Variants in PIK3AP1 observed in about 807,000 individuals in gnomAD.
The protein encoded by PIK3AP1 is phosphoinositide-3-kinase adaptor protein 1.
PIK3AP1 carries 21 observed loss-of-function variants against 88.1 expected under a neutral mutation model. The ratio of observed to expected loss-of-function variants is 0.24; its 90% confidence interval spans 0.17 to 0.34. The LOEUF (loss-of-function observed/expected upper bound fraction) is 0.34. PIK3AP1 is among the 10% of genes least tolerant of loss of function. The pLI is 1.00. For synonymous variants in PIK3AP1, 398 were observed against 400.0 expected (o/e 1.00, Z 0.06); for missense variants, 828 against 1,035.7 (o/e 0.80, Z 2.75).
chr10:96,641,088 T>C (rs1412021404), intron 8 of PIK3AP1, among the ~76,000 whole-genome samples: 2 of 26,094 alleles, frequency 7.7e-5, no homozygotes, highest in East Asian at 1.5e-3. Flanking sequence ...GAGTGTGCCG[T>C]GTGTGTGTGT....
At chr10:96,632,407 ATTTT>A (rs35406169) in intron 8 of PIK3AP1, among the ~76,000 whole-genome samples, 17 of 146,246 alleles carry the variant, frequency 1.2e-4, no homozygotes, top group African/African-American at 2.7e-4. Context: ...TTTCAAAATA[ATTTT>A]TTTTTTTTTT....
At chr10:96,677,056 T>C (rs1172539919) in intron 2 of PIK3AP1, among the ~76,000 whole-genome samples, 3 of 152,100 alleles carry the variant, frequency 2.0e-5, no homozygotes, top group African/African-American at 4.8e-5. Context: ...ACCGAGCCCA[T>C]CTCTGAACAC....
Position 96,596,571 on chromosome 10 carries a change from A to T in PIK3AP1, c.2361-937T>A, listed in dbSNP as rs141409333. Among the ~76,000 whole-genome samples, 1,434 of 152,316 alleles carry T rather than the reference A, an allele frequency of 9.4e-3. 6 individuals are homozygous for T. The highest frequency in any genetic ancestry group is 0.031 in the Middle Eastern group (9 of 294). On this transcript the variant is annotated intron_variant, in intron 16 of 16. Coordinates refer to ENST00000339364, the MANE Select transcript of PIK3AP1 (RefSeq NM_152309.3). ...AGTAGGGAGATTTGTTGAGAGAGGA[A>T]TTGGAATTTCCAAAGCCTGCTTCTC...
At chr10:96,689,252 T>C (rs558512338) in intron 2 of PIK3AP1, among the ~76,000 whole-genome samples, 2 of 152,138 alleles carry the variant, frequency 1.3e-5, no homozygotes, top group Middle Eastern at 3.4e-3. Context: ...CCTTTAATCC[T>C]TACCGATGCC....
chr10:96,623,785 G>A (rs887998234), intron 10 of PIK3AP1, among the ~76,000 whole-genome samples: 8 of 152,116 alleles, frequency 5.3e-5, no homozygotes, highest in African/African-American at 1.9e-4. Flanking sequence ...TGAAGAAAAC[G>A]GTAATGGGAA....
At chr10:96,671,158 A>C (rs1843840847) in intron 2 of PIK3AP1, among the ~76,000 whole-genome samples, 1 of 152,224 alleles carries the variant, frequency 6.6e-6, no homozygotes, top group South Asian at 2.1e-4. Context: ...GCACAAAAGG[A>C]AACCTCAGAC....
intron 2 of PIK3AP1, among the ~76,000 whole-genome samples, chr10:96,685,170 T>G (rs1844052204): frequency 6.6e-6 from 1 of 152,384 alleles, no homozygotes; most frequent in South Asian, 2.1e-4. Context: ...ATTTATGCTG[T>G]GATTTTCTTT....
At chr10:96,643,841 G>C (rs984110142) in intron 8 of PIK3AP1, among the ~76,000 whole-genome samples, 1 of 152,160 alleles carries the variant, frequency 6.6e-6, no homozygotes, top group Non-Finnish European at 1.5e-5. Flanking sequence ...CTGAAGGCTT[G>C]TAACACTCAA....
At chr10:96,621,222 CT>C (rs1843075663) in intron 11 of PIK3AP1, 1 of 156,072 alleles carries the variant, frequency 6.4e-6, no homozygotes, top group East Asian at 1.9e-4. Flanking sequence ...CTTGTTCCCC[CT>C]GTAGCCTCTC....
chr10:96,695,116 C>T (rs1844203531), intron 2 of PIK3AP1, among the ~76,000 whole-genome samples: 1 of 152,118 alleles, frequency 6.6e-6, no homozygotes, highest in South Asian at 2.1e-4. Flanking sequence ...AACACAAAAA[C>T]ACAATCACAG....
intron 15 of PIK3AP1, 121 bp from the exon 16 acceptor site, chr10:96,602,519 A>G (rs1848916981): frequency 1.3e-6 from 1 of 782,054 alleles, no homozygotes; most frequent in South Asian, 1.6e-5. Context: ...TTGTTTGCAA[A>G]TTGATAATCA....
intron 2 of PIK3AP1, among the ~76,000 whole-genome samples, chr10:96,702,053 A>G (rs1435250888): frequency 6.6e-6 from 1 of 152,264 alleles, no homozygotes. Context: ...ACCCAGATAC[A>G]GGAAGGCAAA....
intron 16 of PIK3AP1, among the ~76,000 whole-genome samples, chr10:96,601,473 CA>C (rs11407501): frequency 0.025 from 1,892 of 75,442 alleles, 37 homozygotes; most frequent in African/African-American, 0.085. Context: ...GAATCTATCT[CA>C]AAAAAAAAAA....
At chr10:96,694,179 A>G (rs1483803657) in intron 2 of PIK3AP1, among the ~76,000 whole-genome samples, 1 of 152,138 alleles carries the variant, frequency 6.6e-6, no homozygotes, top group Non-Finnish European at 1.5e-5. Context: ...TACTCCTGGC[A>G]TTAAGTAATA....
At chr10:96,681,535 A>C (rs1844000636) in intron 2 of PIK3AP1, among the ~76,000 whole-genome samples, 1 of 152,186 alleles carries the variant, frequency 6.6e-6, no homozygotes, top group South Asian at 2.1e-4. Context: ...TTTGGAGAGC[A>C]GATTTCAGCT....
intron 8 of PIK3AP1, among the ~76,000 whole-genome samples, chr10:96,642,562 C>T (rs977509464): frequency 6.6e-6 from 1 of 152,082 alleles, no homozygotes; most frequent in Non-Finnish European, 1.5e-5. Flanking sequence ...GTTTCCTTTT[C>T]CCATGCAAAA....
At chr10:96,717,712 C>T (rs1844520931) in intron 1 of PIK3AP1, among the ~76,000 whole-genome samples, 1 of 152,086 alleles carries the variant, frequency 6.6e-6, no homozygotes, top group African/African-American at 2.4e-5. Context: ...CTTTCTTCAC[C>T]CAGCCACAGA....
chr10:96,675,292 A>C (rs1217782717), intron 2 of PIK3AP1, among the ~76,000 whole-genome samples: 1 of 152,144 alleles, frequency 6.6e-6, no homozygotes, highest in African/African-American at 2.4e-5. Context: ...AAGAGGGGGA[A>C]GGAAGGTTGG....
At chr10:96,685,844 C>T (rs1564983572) in intron 2 of PIK3AP1, among the ~76,000 whole-genome samples, 2 of 152,162 alleles carry the variant, frequency 1.3e-5, no homozygotes, top group African/African-American at 2.4e-5. Context: ...CCCATCCCTG[C>T]TGAGTAGTAA....
Sources: gnomAD v4.1 joint callset for allele counts (sites outside exome capture counted in the v4.1 genomes callset) on GRCh38, gnomAD v4.1.1 for gene constraint, MANE v1.5 for transcripts, NCBI Gene and HGNC (gene_info 2026-07-23, HGNC 2026-07-21) for gene names.